KPNA4: variants seen among roughly 807,000 people sequenced by gnomAD.
The protein encoded by KPNA4 is importin subunit alpha-3.
Under a neutral mutation model 71.3 loss-of-function variants are expected in KPNA4, and 13 were observed. That is an observed-to-expected ratio of 0.18 (90% CI 0.12 to 0.29). The LOEUF (loss-of-function observed/expected upper bound fraction) is 0.29, where lower values mean the gene tolerates loss of function less well. Among genes scored for constraint, KPNA4 ranks in the 10% least tolerant of loss-of-function variants. The pLI, the probability that KPNA4 is intolerant of heterozygous loss-of-function variation, is 1.00. For missense variants in KPNA4, 334 were observed against 603.2 expected, an observed-to-expected ratio of 0.55 and a Z score of 4.67; for synonymous variants, 189 against 195.2, an observed-to-expected ratio of 0.97 and a Z score of 0.26.
intron 11 of KPNA4, among the ~76,000 whole-genome samples, chr3:160,516,193 C>T (rs377229190): frequency 1.6e-3 from 245 of 150,420 alleles, no homozygotes; most frequent in Non-Finnish European, 2.6e-3. Flanking sequence ...GGTTTTGCCA[C>T]GTTGGCCAGG....
chr3:160,541,491 C>T (rs984998142), intron 1 of KPNA4, among the ~76,000 whole-genome samples: 2 of 151,808 alleles, frequency 1.3e-5, no homozygotes, highest in East Asian at 1.9e-4. Context: ...TGTACAGGCA[C>T]GAGAGATCTT....
intron 1 of KPNA4, among the ~76,000 whole-genome samples, chr3:160,554,969 G>A (rs1350528837): frequency 2.0e-5 from 3 of 152,242 alleles, no homozygotes; most frequent in South Asian, 2.1e-4. Flanking sequence ...AGCAGGTAGT[G>A]CGAACTCTAT....
chr3:160,551,018 T>C (rs924449299), intron 1 of KPNA4, among the ~76,000 whole-genome samples: 10 of 152,192 alleles, frequency 6.6e-5, no homozygotes, highest in African/African-American at 2.2e-4. Flanking sequence ...AGGGCTGGCC[T>C]TGAGTTTGGA....
intron 1 of KPNA4, among the ~76,000 whole-genome samples, chr3:160,549,023 C>T (rs1020397056): frequency 6.6e-6 from 1 of 152,214 alleles, no homozygotes; most frequent in African/African-American, 2.4e-5. Context: ...ATCTGCATTT[C>T]CCTAATGATT....
Position 160,500,624 on chromosome 3 carries a change from T to C in KPNA4, c.*1480A>G, listed in dbSNP as rs1436082303. On this transcript the variant is annotated 3_prime_UTR_variant, in exon 17 of 17. Coordinates refer to ENST00000334256, the MANE Select transcript of KPNA4 (RefSeq NM_002268.5). ...TTTATAAAAACCACTTGCATAACTTTTATGCAAGTTTTAAAAATACAAAGT... is the reference window on the plus strand; with the variant it reads ...TTTATAAAAACCACTTGCATAACTTCTATGCAAGTTTTAAAAATACAAAGT... The C allele has an allele frequency of 1.2e-4, 18 of 152,750 alleles. No homozygotes were observed. In the East Asian group the frequency reaches 2.9e-3, roughly 25 times the overall value. 9.5% of individuals were successfully genotyped at this position (152,750 alleles called of 1,614,324 possible).
chr3:160,560,101 G>A (rs996464535), intron 1 of KPNA4, among the ~76,000 whole-genome samples: 4 of 151,988 alleles, frequency 2.6e-5, no homozygotes, highest in Non-Finnish European at 4.4e-5. Context: ...ATTATACCCC[G>A]TGGACTATGC....
chr3:160,520,683 A>G (rs181487370), intron 11 of KPNA4, among the ~76,000 whole-genome samples: 3 of 152,280 alleles, frequency 2.0e-5, no homozygotes, highest in African/African-American at 7.2e-5. Context: ...TTAAAGCTCA[A>G]GTTTCTAAGA....
Position 160,499,573 on chromosome 3 carries a change from A to G in KPNA4, c.*2531T>C, listed in dbSNP as rs1720837376. ...TCAGAGACAGAAAAGCCCTTCCCAG[A>G]ATTTCTACTAGAAAATCAATGTTCT... On this transcript the variant is annotated 3_prime_UTR_variant, in exon 17 of 17. Coordinates refer to ENST00000334256, the MANE Select transcript of KPNA4 (RefSeq NM_002268.5). The G allele has an allele frequency of 6.6e-6, 1 of 152,148 alleles. No homozygotes were observed. The highest frequency in any genetic ancestry group is 1.5e-5 in the Non-Finnish European group (1 of 68,006). 9.4% of individuals were successfully genotyped at this position (152,148 alleles called of 1,614,324 possible). A position where few individuals can be genotyped will look rare whatever the true frequency, so the allele number is the denominator to read the frequency against.
At chr3:160,535,613 G>A (rs1434664991) in intron 4 of KPNA4, 48 bp from the exon 5 acceptor site, 4 of 1,587,304 alleles carry the variant, frequency 2.5e-6, no homozygotes, top group East Asian at 4.5e-5. Flanking sequence ...ACGATTAGCT[G>A]TTGAGGACAA....
At position 160,498,170 on chromosome 3, in the gene KPNA4, A is replaced by C. The variant is rs1043146081; in HGVS notation, c.*3934T>G. On this transcript the variant is annotated 3_prime_UTR_variant, in exon 17 of 17. Coordinates refer to ENST00000334256, the MANE Select transcript of KPNA4 (RefSeq NM_002268.5). ...AAGGGAAGGGTTGGGACAGACTGTA[A>C]TTCATGGACTCTTATGAATCCCCTA... is the stretch of plus-strand genomic sequence containing the variant. The C allele has an allele frequency of 6.6e-6, 1 of 152,138 alleles. No individual in the cohort carries two copies. The highest frequency in any genetic ancestry group is 2.1e-4 in the South Asian group (1 of 4,836). The allele number at this position is 152,138 out of a possible 1,614,324, so 9.4% of individuals were successfully genotyped here.
At chr3:160,503,848 C>T (rs1720931111) in intron 16 of KPNA4, among the ~76,000 whole-genome samples, 1 of 152,094 alleles carries the variant, frequency 6.6e-6, no homozygotes, top group African/African-American at 2.4e-5. Context: ...TTTGGGAGGC[C>T]AAGATGGGAG....
chr3:160,508,462 GA>G (rs1315501039), intron 14 of KPNA4, among the ~76,000 whole-genome samples, 193 bp from the exon 15 acceptor site: 2 of 151,340 alleles, frequency 1.3e-5, no homozygotes, highest in Non-Finnish European at 2.9e-5. Context: ...CCCGAACTTA[GA>G]AAAAAACAAC....
Position 160,495,008 on chromosome 3 carries a change from CATT to C in KPNA4, c.*7093_*7095del, listed in dbSNP as rs1373363008. 2.6e-5 allele frequency: 4 copies of C among 152,160 alleles called. No individual in the cohort carries two copies. The highest frequency in any genetic ancestry group is 6.5e-5 in the Admixed American group (1 of 15,272). 9.4% of individuals were successfully genotyped at this position (152,160 alleles called of 1,614,324 possible). On this transcript the variant is annotated 3_prime_UTR_variant, in exon 17 of 17. Transcript: ENST00000334256. Reference sequence around the variant, plus strand: ...AATCAGTTCATCTGAGAAATTGCATCATTATCACAAGCATTTATTGAGTACCCA... The same window carrying C: ...AATCAGTTCATCTGAGAAATTGCATCATCACAAGCATTTATTGAGTACCCA...
intron 1 of KPNA4, among the ~76,000 whole-genome samples, chr3:160,538,964 C>T (rs1159201176): frequency 2.6e-5 from 4 of 152,156 alleles, no homozygotes; most frequent in African/African-American, 9.7e-5. Context: ...TACAGGACTG[C>T]TGTTAAGGAT....
intron 13 of KPNA4, among the ~76,000 whole-genome samples, chr3:160,512,501 G>T (rs1273753850): frequency 6.6e-6 from 1 of 152,120 alleles, no homozygotes; most frequent in Non-Finnish European, 1.5e-5. Flanking sequence ...TAAGGACAAA[G>T]AATCAAACAT....
intron 16 of KPNA4, among the ~76,000 whole-genome samples, chr3:160,503,684 T>C (rs1367043088): frequency 1.3e-5 from 2 of 152,224 alleles, no homozygotes; most frequent in African/African-American, 4.8e-5. Context: ...GAAAACTACA[T>C]GTTGAGGTAT....
intron 7 of KPNA4, among the ~76,000 whole-genome samples, chr3:160,529,478 A>G (rs1721525925): frequency 6.6e-6 from 1 of 152,202 alleles, no homozygotes; most frequent in African/African-American, 2.4e-5. Flanking sequence ...TGAGGTAATT[A>G]TCTTTTCTAA....
intron 1 of KPNA4, among the ~76,000 whole-genome samples, chr3:160,540,205 T>C (rs1721771748): frequency 6.6e-6 from 1 of 152,026 alleles, no homozygotes; most frequent in Non-Finnish European, 1.5e-5. Flanking sequence ...TTCACCGTGT[T>C]AGCCAGGCTG....
chr3:160,506,164 CT>C (rs1720978641), intron 15 of KPNA4, among the ~76,000 whole-genome samples: 1 of 151,614 alleles, frequency 6.6e-6, no homozygotes, highest in Non-Finnish European at 1.5e-5. Context: ...CCACTATATA[CT>C]TTATTTTATT....
Sources: gnomAD v4.1 joint callset for allele counts (sites outside exome capture counted in the v4.1 genomes callset) on GRCh38, gnomAD v4.1.1 for gene constraint, MANE v1.5 for transcripts, NCBI Gene and HGNC (gene_info 2026-07-23, HGNC 2026-07-21) for gene names.